ERC2: variants seen among roughly 807,000 people sequenced by gnomAD.
The protein encoded by ERC2 is ERC protein 2.
A neutral mutation model predicts 114.8 loss-of-function variants in ERC2; 42 were observed. That is an observed-to-expected ratio of 0.37 (90% confidence interval 0.29 to 0.47). The LOEUF (loss-of-function observed/expected upper bound fraction) is 0.47, where lower values mean the gene tolerates loss of function less well. ERC2 is among the 20% of genes least tolerant of loss of function. ERC2 has a pLI of 0.99. For synonymous variants in ERC2, 454 were observed against 425.5 expected (o/e 1.07, Z -0.82); for missense variants, 939 against 1,150.7 (o/e 0.82, Z 2.66).
At chr3:56,342,268 C>T (rs2150496296) in intron 2 of ERC2, among the ~76,000 whole-genome samples, 1 of 152,322 alleles carries the variant, frequency 6.6e-6, no homozygotes, top group African/African-American at 2.4e-5. Flanking sequence ...CATCACAGAA[C>T]TCAGAATAAA....
intron 6 of ERC2, among the ~76,000 whole-genome samples, chr3:56,115,650 T>G (rs905798071): frequency 5.9e-5 from 9 of 152,308 alleles, no homozygotes; most frequent in African/African-American, 1.9e-4. Context: ...TCTTGCATTA[T>G]CAAGGACCTG....
intron 14 of ERC2, among the ~76,000 whole-genome samples, chr3:55,846,389 G>T (rs1390687864): frequency 6.6e-6 from 1 of 152,070 alleles, no homozygotes; most frequent in Non-Finnish European, 1.5e-5. Context: ...TCTTTATCCA[G>T]TCTACCACTG....
intron 13 of ERC2, among the ~76,000 whole-genome samples, chr3:55,910,920 C>A (rs1223970470): frequency 6.6e-6 from 1 of 152,158 alleles, no homozygotes; most frequent in African/African-American, 2.4e-5. Flanking sequence ...TCTAGAAATT[C>A]TTTCACTAAT....
chr3:55,736,903 C>G (rs1383944205), intron 14 of ERC2, among the ~76,000 whole-genome samples: 3 of 152,172 alleles, frequency 2.0e-5, no homozygotes, highest in Admixed American at 1.3e-4. Context: ...GGAAATAGCT[C>G]TCCTGGGTGT....
chr3:55,993,710 C>T (rs1408669044), intron 10 of ERC2, among the ~76,000 whole-genome samples: 1 of 151,138 alleles, frequency 6.6e-6, no homozygotes, highest in African/African-American at 2.4e-5. Flanking sequence ...TATGTCAATT[C>T]AACACACTAT....
At chr3:56,358,446 G>A (rs2058825862) in intron 2 of ERC2, among the ~76,000 whole-genome samples, 1 of 152,154 alleles carries the variant, frequency 6.6e-6, no homozygotes, top group Admixed American at 6.5e-5. Context: ...CTACAGAGGT[G>A]GTCTTCTGAG....
chr3:56,095,630 C>T (rs981955191), intron 6 of ERC2, among the ~76,000 whole-genome samples: 11 of 152,188 alleles, frequency 7.2e-5, no homozygotes, highest in Non-Finnish European at 1.5e-4. Context: ...ATTAAATGAA[C>T]ACATTTGTCA....
intron 7 of ERC2, among the ~76,000 whole-genome samples, chr3:56,052,581 T>C (rs1560093669): frequency 6.6e-6 from 1 of 152,212 alleles, no homozygotes; most frequent in Non-Finnish European, 1.5e-5. Flanking sequence ...GATATTTAAA[T>C]TCTGTGTGTG....
intron 4 of ERC2, among the ~76,000 whole-genome samples, chr3:56,167,551 A>G (rs2082384839): frequency 6.6e-6 from 1 of 152,190 alleles, no homozygotes; most frequent in Non-Finnish European, 1.5e-5. Flanking sequence ...ACCATCACTT[A>G]AAAATCACAT....
At chr3:55,745,540 CT>C (rs2066252380) in intron 14 of ERC2, among the ~76,000 whole-genome samples, 1 of 152,198 alleles carries the variant, frequency 6.6e-6, no homozygotes, top group Admixed American at 6.5e-5. Context: ...CTTGGTCATT[CT>C]TGTTATTCCC....
chr3:56,075,742 T>C (rs2076938863), intron 7 of ERC2, among the ~76,000 whole-genome samples: 1 of 152,164 alleles, frequency 6.6e-6, no homozygotes, highest in African/African-American at 2.4e-5. Flanking sequence ...GAAATGAATA[T>C]GATGTTGCAC....
At chr3:55,910,265 G>T (rs903352408) in intron 13 of ERC2, among the ~76,000 whole-genome samples, 3 of 151,936 alleles carry the variant, frequency 2.0e-5, no homozygotes, top group Admixed American at 2.0e-4. Flanking sequence ...GGTGGTGTAC[G>T]CCTGTAATCC....
rs538869643 is a variant in ERC2, at chr3:55,753,347, A to T, written c.2565-18429T>A. On this transcript the variant is annotated intron_variant, in intron 14 of 17. Transcript: ENST00000288221. ...CAAGTCACTTGACTTTACGTATCTT[A>T]GCTGTGGGAATCTATAAAATAAAAA... 8.5e-5 allele frequency among the ~76,000 whole-genome samples: 13 copies of T among 152,328 alleles called. No individual in the cohort carries two copies. In the South Asian group the frequency reaches 2.7e-3, roughly 32 times the overall value.
At chr3:55,807,733 C>G (rs2059545750) in intron 14 of ERC2, among the ~76,000 whole-genome samples, 1 of 152,156 alleles carries the variant, frequency 6.6e-6, no homozygotes, top group Non-Finnish European at 1.5e-5. Flanking sequence ...TCCTTATCAA[C>G]CTAGACTCCT....
intron 9 of ERC2, among the ~76,000 whole-genome samples, chr3:56,008,694 T>C (rs1427053565): frequency 6.6e-6 from 1 of 152,200 alleles, no homozygotes; most frequent in Non-Finnish European, 1.5e-5. Context: ...TTTGTAGACA[T>C]GACTAAAATC....
At chr3:56,075,758 C>G (rs1274981785) in intron 7 of ERC2, among the ~76,000 whole-genome samples, 1 of 152,042 alleles carries the variant, frequency 6.6e-6, no homozygotes, top group African/African-American at 2.4e-5. Context: ...TGCACATGTT[C>G]AAAAAATTAG....
chr3:56,266,499 T>G (rs574222799), intron 3 of ERC2, among the ~76,000 whole-genome samples: 5 of 152,244 alleles, frequency 3.3e-5, no homozygotes, highest in African/African-American at 1.2e-4. Flanking sequence ...AAAATAGTCT[T>G]CAGGTTTATG....
intron 2 of ERC2, among the ~76,000 whole-genome samples, chr3:56,370,000 GA>G (rs1230982855): frequency 6.6e-6 from 1 of 152,136 alleles, no homozygotes; most frequent in Non-Finnish European, 1.5e-5. Context: ...TTATGGCCAA[GA>G]AGCCTAATCC....
intron 17 of ERC2, among the ~76,000 whole-genome samples, chr3:55,565,901 A>G (rs1575600050): frequency 6.6e-6 from 1 of 152,380 alleles, no homozygotes; most frequent in Non-Finnish European, 1.5e-5. Context: ...GCGAGTCAAA[A>G]GTCTTTTGCT....
Sources: gnomAD v4.1 joint callset for allele counts (sites outside exome capture counted in the v4.1 genomes callset) on GRCh38, gnomAD v4.1.1 for gene constraint, MANE v1.5 for transcripts, NCBI Gene and HGNC (gene_info 2026-07-23, HGNC 2026-07-21) for gene names.